The following CACNB2 variants were observed in gnomAD, a reference collection of about 807,000 sequenced individuals.
CACNB2 encodes voltage-dependent L-type calcium channel subunit beta-2.
A neutral mutation model predicts 73.3 loss-of-function variants in CACNB2; 42 were observed. The observed-to-expected ratio is 0.57, with a 90% CI of 0.45 to 0.74. The LOEUF (loss-of-function observed/expected upper bound fraction) is 0.74, where lower values mean the gene tolerates loss of function less well. Among genes scored for constraint, CACNB2 ranks in the 30% least tolerant of loss-of-function variants. The pLI is 0.00. For missense variants in CACNB2, 940 were observed against 853.0 expected (o/e 1.10, Z -1.27); for synonymous variants, 348 against 310.3 (o/e 1.12, Z -1.28).
chr10:18,470,472 T>C (rs926985772), intron 3 of CACNB2, among the ~76,000 whole-genome samples: 3 of 150,668 alleles, frequency 2.0e-5, no homozygotes, highest in Non-Finnish European at 4.4e-5. Context: ...ATATACTGTA[T>C]TGTATATATT....
rs572686335 is a variant in CACNB2, at chr10:18,385,342, A to G, written c.214-16582A>G. Among the ~76,000 whole-genome samples, 4 of 150,836 alleles carry G rather than the reference A, an allele frequency of 2.7e-5. No individual in the cohort carries two copies. The East Asian group carries it at 7.9e-4, about 30-fold the overall frequency. ...GAGGCTCTAATTAAATTGCTTTTGA[A>G]TATGCCATAGAGATTTGTAATACCC... is the stretch of plus-strand genomic sequence containing the variant. On this transcript the variant is annotated intron_variant, in intron 2 of 13. Transcript: ENST00000324631.
intron 2 of CACNB2, chr10:18,401,063 G>T: frequency 1.9e-6 from 3 of 1,614,214 alleles, no homozygotes; most frequent in Non-Finnish European, 2.5e-6. Context: ...CTTCTGAAAA[G>T]AGCCAAGGGA....
At chr10:18,521,784 C>T (rs1462632539) in intron 9 of CACNB2, among the ~76,000 whole-genome samples, 1 of 152,200 alleles carries the variant, frequency 6.6e-6, no homozygotes, top group Admixed American at 6.5e-5. Flanking sequence ...CTGGAAGATA[C>T]AGGGCTAGTG....
intron 2 of CACNB2, among the ~76,000 whole-genome samples, chr10:18,358,630 T>C (rs2042028099): frequency 6.6e-6 from 1 of 151,490 alleles, no homozygotes; most frequent in East Asian, 2.0e-4. Context: ...ACAAGGTGGC[T>C]GTGCTTGAGA....
chr10:18,169,853 G>C (rs1421139239), intron 2 of CACNB2, among the ~76,000 whole-genome samples: 1 of 152,174 alleles, frequency 6.6e-6, no homozygotes, highest in African/African-American at 2.4e-5. Flanking sequence ...ACTCAGGCTG[G>C]CTTTAAAGCA....
chr10:18,293,712 A>G (rs2039162426), intron 2 of CACNB2, among the ~76,000 whole-genome samples: 1 of 152,214 alleles, frequency 6.6e-6, no homozygotes, highest in Admixed American at 6.5e-5. Flanking sequence ...CACTATTACA[A>G]AATGCCTCTG....
intron 3 of CACNB2, among the ~76,000 whole-genome samples, chr10:18,424,427 A>T (rs1270063139): frequency 3.3e-5 from 5 of 152,178 alleles, no homozygotes; most frequent in Non-Finnish European, 7.3e-5. Flanking sequence ...TGCCACGGAA[A>T]GGTGTGGTAA....
intron 2 of CACNB2, among the ~76,000 whole-genome samples, chr10:18,239,279 T>C (rs2036560916): frequency 6.6e-6 from 1 of 152,202 alleles, no homozygotes; most frequent in Non-Finnish European, 1.5e-5. Context: ...GCGTGCATTA[T>C]ACCAGTTAGG....
At chr10:18,275,122 G>A (rs997836911) in intron 2 of CACNB2, among the ~76,000 whole-genome samples, 4 of 152,190 alleles carry the variant, frequency 2.6e-5, no homozygotes, top group Admixed American at 2.0e-4. Context: ...TATGCAGTCA[G>A]TCAGTCAACC....
intron 3 of CACNB2, among the ~76,000 whole-genome samples, chr10:18,489,846 G>T (rs2049306826): frequency 6.6e-6 from 1 of 152,138 alleles, no homozygotes; most frequent in Non-Finnish European, 1.5e-5. Context: ...ACATACTGGA[G>T]ACACAGTGTT....
At chr10:18,153,089 T>C (rs975092678) in intron 2 of CACNB2, among the ~76,000 whole-genome samples, 2 of 152,220 alleles carry the variant, frequency 1.3e-5, no homozygotes, top group Non-Finnish European at 2.9e-5. Context: ...TTCTTAGTAA[T>C]GTATGTAGCT....
chr10:18,268,197 A>G (rs904367122), intron 2 of CACNB2, among the ~76,000 whole-genome samples: 1 of 152,252 alleles, frequency 6.6e-6, no homozygotes, highest in African/African-American at 2.4e-5. Context: ...TGTAGTGGTC[A>G]TCATCTAACT....
At chr10:18,208,104 C>A (rs770670550) in intron 2 of CACNB2, among the ~76,000 whole-genome samples, 5 of 152,152 alleles carry the variant, frequency 3.3e-5, no homozygotes, top group Admixed American at 1.3e-4. Flanking sequence ...AAATGCTAAA[C>A]CCTAAAACCC....
chr10:18,308,776 C>T (rs760147448), intron 2 of CACNB2, among the ~76,000 whole-genome samples: 2 of 152,212 alleles, frequency 1.3e-5, no homozygotes, highest in Admixed American at 6.5e-5. Flanking sequence ...GTATGCCTGA[C>T]ACCTTTGGCT....
chr10:18,465,620 A>C (rs1174328892), intron 3 of CACNB2, among the ~76,000 whole-genome samples: 2 of 151,556 alleles, frequency 1.3e-5, no homozygotes, highest in Non-Finnish European at 2.9e-5. Flanking sequence ...AAGGAAGCAC[A>C]GTGTTCCACA....
At chr10:18,460,082 A>T (rs925642004) in intron 3 of CACNB2, among the ~76,000 whole-genome samples, 1 of 152,224 alleles carries the variant, frequency 6.6e-6, no homozygotes, top group African/African-American at 2.4e-5. Flanking sequence ...TTATGTATGT[A>T]TATGTCCATA....
At chr10:18,385,364 A>ACCCCCC (rs754737184) in intron 2 of CACNB2, among the ~76,000 whole-genome samples, 6 of 83,136 alleles carry the variant, frequency 7.2e-5, no homozygotes, top group Admixed American at 1.2e-4. Context: ...GATTTGTAAT[A>ACCCCCC]CCCCCCCCCC....
At chr10:18,146,489 G>A (rs563897509) in intron 1 of CACNB2, among the ~76,000 whole-genome samples, 1 of 137,048 alleles carries the variant, frequency 7.3e-6, no homozygotes, top group African/African-American at 2.8e-5. Context: ...TTTTTTTTTT[G>A]TTTTTCGAGA....
intron 1 of CACNB2, among the ~76,000 whole-genome samples, chr10:18,146,570 T>C (rs1588539594): frequency 6.6e-6 from 1 of 151,834 alleles, no homozygotes; most frequent in African/African-American, 2.4e-5. Flanking sequence ...CTCCACCTCC[T>C]GGGTTCAGGC....
Sources: allele counts gnomAD v4.1 joint callset (sites outside exome capture counted in the v4.1 genomes callset), GRCh38; gene constraint gnomAD v4.1.1; transcripts MANE v1.5; gene names NCBI Gene and HGNC (gene_info 2026-07-23, HGNC 2026-07-21).